The following FAM3B variants were observed in gnomAD, a reference collection of about 807,000 sequenced individuals.
The protein encoded by FAM3B is FAM3 metabolism regulating signaling molecule B.
Under a neutral mutation model 28.4 loss-of-function variants are expected in FAM3B, and 29 were observed. The observed-to-expected ratio is 1.02, with a 90% CI of 0.76 to 1.39. FAM3B has a LOEUF of 1.39. FAM3B is among the 40% of genes most tolerant of loss of function. The pLI, the probability that FAM3B is intolerant of heterozygous loss-of-function variation, is 0.00. For missense variants in FAM3B, 266 were observed against 293.9 expected (o/e 0.91, Z 0.69); for synonymous variants, 91 against 103.0 (o/e 0.88, Z 0.71).
chr21:41,352,439 G>A (rs1472387854), intron 7 of FAM3B, among the ~76,000 whole-genome samples: 4 of 149,930 alleles, frequency 2.7e-5, no homozygotes. Flanking sequence ...GGAATGGAAG[G>A]AAGGAAAAAG....
chr21:41,353,001 A>C (rs915491041), intron 7 of FAM3B, among the ~76,000 whole-genome samples: 1 of 152,310 alleles, frequency 6.6e-6, no homozygotes, highest in East Asian at 1.9e-4. Context: ...GAAAAACTCA[A>C]TTATACTTCT....
At chr21:41,315,565 G>C (rs570108881), upstream of FAM3B, among the ~76,000 whole-genome samples, 5 of 152,238 alleles carry the variant, frequency 3.3e-5, no homozygotes. Flanking sequence ...TAGCTGGAGA[G>C]TGGCTTCTTA....
chr21:41,348,564 C>T, intron 6 of FAM3B, 28 bp from the exon 7 acceptor site: 1 of 1,613,914 alleles, frequency 6.2e-7, no homozygotes, highest in East Asian at 2.2e-5. Context: ...CCCTGAGATG[C>T]TCACATGCTT....
chr21:41,355,300 A>C (rs151321828), intron 7 of FAM3B, among the ~76,000 whole-genome samples: 1 of 152,222 alleles, frequency 6.6e-6, no homozygotes, highest in Non-Finnish European at 1.5e-5. Context: ...TGGCCCTATG[A>C]CCCAACAGTT....
intron 1 of FAM3B, among the ~76,000 whole-genome samples, chr21:41,306,815 T>G (rs11909506): frequency 0.36 from 54,892 of 152,054 alleles, 10,360 homozygotes; most frequent in East Asian, 0.67. Context: ...GTTATATTGC[T>G]TAGTGGGGAA....
At chr21:41,314,958 C>G (rs2088737178), upstream of FAM3B, among the ~76,000 whole-genome samples, 1 of 152,126 alleles carries the variant, frequency 6.6e-6, no homozygotes, top group Non-Finnish European at 1.5e-5. Context: ...GAATTGAAAG[C>G]AGGATCCAGA....
chr21:41,319,970 A>T (rs2088786527), intron 1 of FAM3B: 1 of 152,094 alleles, frequency 6.6e-6, no homozygotes. Context: ...TGGTGTCCTT[A>T]TAAGAAGAGG....
At chr21:41,321,575 G>A (rs971100227) in intron 1 of FAM3B, among the ~76,000 whole-genome samples, 4 of 152,238 alleles carry the variant, frequency 2.6e-5, no homozygotes, top group African/African-American at 9.6e-5. Flanking sequence ...GTGCTTACTA[G>A]TCTAACAATC....
At chr21:41,352,392 A>G (rs942086300) in intron 7 of FAM3B, among the ~76,000 whole-genome samples, 3 of 148,458 alleles carry the variant, frequency 2.0e-5, no homozygotes, top group Non-Finnish European at 3.0e-5. Flanking sequence ...CGTAATGCCC[A>G]TGGCATTTTG....
intron 1 of FAM3B, among the ~76,000 whole-genome samples, chr21:41,310,193 T>C (rs2088701838): frequency 6.6e-6 from 1 of 152,110 alleles, no homozygotes; most frequent in South Asian, 2.1e-4. Context: ...GTCCTGCCAG[T>C]CATCACCCTG....
intron 1 of FAM3B, among the ~76,000 whole-genome samples, chr21:41,311,598 G>C (rs1320431600): frequency 6.6e-6 from 1 of 151,996 alleles, no homozygotes; most frequent in Non-Finnish European, 1.5e-5. Flanking sequence ...AAAATATCTA[G>C]TGAGAAGAAT....
chr21:41,307,690 G>A lies in FAM3B; in HGVS notation n.99+3380G>A, dbSNP rs530212510. Among the ~76,000 whole-genome samples the A allele has an allele frequency of 2.6e-5, 4 of 152,290 alleles. No individual in the cohort carries two copies. In the East Asian group the frequency reaches 7.7e-4, roughly 29 times the overall value. ...ATCTCAGGGAACAGGCTCAAGGAGA[G>A]GGAGAGAGATGGGGAATAGCTGGTT... On this transcript the variant is annotated intron_variant and non_coding_transcript_variant, in intron 1 of 9. Coordinates refer to the FAM3B transcript ENST00000479810.
In FAM3B at chr21:41,346,900, C is replaced by T. The variant is rs2089065619; in HGVS notation, c.398-113C>T. 16 of 917,220 alleles carry T rather than the reference C, an allele frequency of 1.7e-5. 1 individual carries two copies. In the Admixed American group the frequency reaches 2.6e-4, roughly 15 times the overall value. The allele number at this position is 917,220 out of a possible 1,614,324, so 56.8% of individuals were successfully genotyped here. On this transcript the variant is annotated intron_variant, in intron 5 of 7. Transcript: ENST00000357985. ...CAGGGTTGAGCAGCGAGCGCTGGGA[C>T]CCCCAAGGATTCAGAATGGACACAG...
At chr21:41,317,854 C>T (rs2088764702) in intron 1 of FAM3B, among the ~76,000 whole-genome samples, 1 of 152,086 alleles carries the variant, frequency 6.6e-6, no homozygotes, top group South Asian at 2.1e-4. Context: ...AGGAAAGCCG[C>T]ATTTTAAGAT....
intron 4 of FAM3B, 79 bp from the exon 5 acceptor site, chr21:41,345,606 TC>T: frequency 2.6e-6 from 2 of 784,040 alleles, no homozygotes; most frequent in Non-Finnish European, 4.1e-6. Flanking sequence ...AAGAAATATT[TC>T]CTTCCCCAGG....
At chr21:41,336,425 G>A (rs1399757045) in intron 2 of FAM3B, among the ~76,000 whole-genome samples, 6 of 152,168 alleles carry the variant, frequency 3.9e-5, no homozygotes, top group African/African-American at 1.4e-4. Flanking sequence ...GGGAGGGTGA[G>A]GCAGGAGAAT....
At position 41,311,283 on chromosome 21, in the gene FAM3B, T is replaced by A. The variant is rs1326895973; in HGVS notation, n.99+6973T>A. Among the ~76,000 whole-genome samples the A allele has an allele frequency of 2.4e-3, 230 of 94,116 alleles. 5 individuals are homozygous for A. The highest frequency in any genetic ancestry group is 3.6e-3 in the Non-Finnish European group (177 of 49,576). 61.7% of individuals were successfully genotyped at this position (94,116 alleles called of 152,430 possible). A position where few individuals can be genotyped will look rare whatever the true frequency, so the allele number is the denominator to read the frequency against. ...ATATATATATATATATATATATATA[T>A]ATATATATATATATGTATATATACA... On this transcript the variant is annotated intron_variant and non_coding_transcript_variant, in intron 1 of 9. Transcript: ENST00000479810.
At chr21:41,306,370 C>T (rs79607837) in intron 1 of FAM3B, among the ~76,000 whole-genome samples, 2,309 of 152,294 alleles carry the variant, frequency 0.015, 71 homozygotes, top group African/African-American at 0.053. Flanking sequence ...TGCAGAATCC[C>T]TTCCAGAAGG....
chr21:41,320,762 C>T (rs1174604733), intron 1 of FAM3B: 1 of 152,234 alleles, frequency 6.6e-6, no homozygotes, highest in African/African-American at 2.4e-5. Context: ...ACCCAAAGCA[C>T]AGATACTCTC....
Sources: allele counts gnomAD v4.1 joint callset (sites outside exome capture counted in the v4.1 genomes callset), GRCh38; gene constraint gnomAD v4.1.1; transcripts MANE v1.5; gene names NCBI Gene and HGNC (gene_info 2026-07-23, HGNC 2026-07-21).